Variants in SLC6A16 observed in about 807,000 individuals in gnomAD.
SLC6A16 encodes solute carrier family 6 member 16.
In SLC6A16, 54 loss-of-function variants were observed where a neutral mutation model predicts 65.4. That is an observed-to-expected ratio of 0.83 (90% CI 0.66 to 1.04). The LOEUF is 1.04. SLC6A16 is among the 50% of genes least tolerant of loss of function. The pLI is 0.00. For synonymous variants in SLC6A16, 330 were observed against 346.5 expected (o/e 0.95, Z 0.53); for missense variants, 816 against 914.0 (o/e 0.89, Z 1.38).
At chr19:49,336,728 C>T in the SLC6A16 span, 1 of 598,512 alleles carries the variant, frequency 1.7e-6, no homozygotes, top group South Asian at 2.1e-5. Flanking sequence ...GGACGGGAAA[C>T]AGGCCCAGAA....
At chr19:49,304,850 G>C (rs1334713371) in intron 7 of SLC6A16, among the ~76,000 whole-genome samples, 1 of 152,130 alleles carries the variant, frequency 6.6e-6, no homozygotes, top group African/African-American at 2.4e-5. Context: ...CACACATTTT[G>C]CTTTAAACTA....
At chr19:49,340,005 C>T in the SLC6A16 span, 1 of 1,457,746 alleles carries the variant, frequency 6.9e-7, no homozygotes, top group Non-Finnish European at 9.0e-7. Context: ...AAATAAAGGA[C>T]CCTGGGCTTG....
chr19:49,311,925 G>A (rs1970531073), intron 1 of SLC6A16, among the ~76,000 whole-genome samples: 1 of 150,538 alleles, frequency 6.6e-6, no homozygotes, highest in Non-Finnish European at 1.5e-5. Flanking sequence ...CAAGAGTCAG[G>A]AATCCCTGAA....
the SLC6A16 span, among the ~76,000 whole-genome samples, chr19:49,331,097 G>A: frequency 2.0e-5 from 3 of 152,134 alleles, no homozygotes; most frequent in Non-Finnish European, 4.4e-5. Context: ...CCAAAAGTCC[G>A]AAATTAAGGT....
chr19:49,308,424 G>A (rs1414420249), intron 7 of SLC6A16, among the ~76,000 whole-genome samples: 3 of 152,128 alleles, frequency 2.0e-5, no homozygotes, highest in Non-Finnish European at 4.4e-5. Flanking sequence ...CTGCACTCCA[G>A]CCTGGGTGAA....
At chr19:49,291,697 A>G (rs1970081807) in intron 10 of SLC6A16, among the ~76,000 whole-genome samples, 1 of 151,996 alleles carries the variant, frequency 6.6e-6, no homozygotes, top group African/African-American at 2.4e-5. Context: ...AAACTTATCT[A>G]GTTTATTTCA....
chr19:49,325,354 C>T (rs1051001772), upstream of SLC6A16: 87 of 564,936 alleles, frequency 1.5e-4, no homozygotes, highest in Middle Eastern at 8.6e-4. Flanking sequence ...ACTGCTCACG[C>T]GCCACTCCCT....
chr19:49,310,932 C>T lies in SLC6A16; in HGVS notation c.415+1G>A, dbSNP rs376812660. ...CCAGGTTTCCTGGTCCCCAGACTTA[C>T]AGCCTCCACTGTTAAGCCACAGGTA... On this transcript the variant is annotated splice_donor_variant, in intron 2 of 11. Coordinates refer to ENST00000335875, the MANE Select transcript of SLC6A16 (RefSeq NM_014037.3). LOFTEE classifies it high-confidence loss of function. 1 of 1,609,008 alleles carries T rather than the reference C, an allele frequency of 6.2e-7. No individual in the cohort carries two copies. The highest frequency in any genetic ancestry group is 8.5e-7 in the Non-Finnish European group (1 of 1,176,568).
At chr19:49,339,327 C>A in the SLC6A16 span, 1 of 1,613,704 alleles carries the variant, frequency 6.2e-7, no homozygotes, top group South Asian at 1.1e-5. The surrounding 1 kb of genome is among the most constrained non-coding windows in gnomAD (Gnocchi z 4.5). Context: ...CTACACCCCC[C>A]AGGGCTGCGC....
the SLC6A16 span, chr19:49,340,141 T>A: frequency 4.6e-5 from 70 of 1,507,458 alleles, no homozygotes; most frequent in East Asian, 1.2e-4. Flanking sequence ...CTCCAGCCCC[T>A]TCCCGCCCAA....
upstream of SLC6A16, among the ~76,000 whole-genome samples, chr19:49,327,522 C>T (rs1472130997): frequency 2.0e-5 from 3 of 152,148 alleles, no homozygotes; most frequent in Non-Finnish European, 4.4e-5. Context: ...TGAGGCAGGG[C>T]AAACTGTGTG....
chr19:49,316,337 C>T (rs1335388058), intron 1 of SLC6A16, among the ~76,000 whole-genome samples: 2 of 151,984 alleles, frequency 1.3e-5, no homozygotes, highest in East Asian at 3.9e-4. Context: ...AAGATAAACC[C>T]CAAAAGACAA....
intron 1 of SLC6A16, among the ~76,000 whole-genome samples, chr19:49,324,267 G>T (rs1290415111): frequency 3.3e-5 from 5 of 152,164 alleles, no homozygotes; most frequent in African/African-American, 7.2e-5. Context: ...GGAAGCAGAG[G>T]TTGCAGTGAG....
chr19:49,299,580 T>C (rs1412691562), intron 7 of SLC6A16, among the ~76,000 whole-genome samples: 16 of 124,342 alleles, frequency 1.3e-4, no homozygotes, highest in Non-Finnish European at 1.3e-4. Flanking sequence ...TGAAAGATAG[T>C]AGGCTATCTT....
the SLC6A16 span, among the ~76,000 whole-genome samples, chr19:49,339,174 G>T: frequency 6.6e-6 from 1 of 152,136 alleles, no homozygotes; most frequent in Non-Finnish European, 1.5e-5. The surrounding 1 kb of genome is among the most constrained non-coding windows in gnomAD (Gnocchi z 4.5). Flanking sequence ...TGGAAAAGGT[G>T]AAGCGAGGGT....
In SLC6A16 at chr19:49,320,408, A is replaced by AAAAC. The variant is rs1002827649; in HGVS notation, c.-65+4636_-65+4639dup. 4.0e-5 allele frequency among the ~76,000 whole-genome samples: 6 copies of AAAAC among 149,414 alleles called. 1 individual carries two copies. Among genetic ancestry groups the AAAAC allele is most frequent in the Admixed American group, 2.0e-4 (3 of 15,014 alleles). ...GGGCAACAGAGCAAGACTCCCTCTA[A>AAAAC]AAACAAACAAACAAACAAACAAAAA... On this transcript the variant is annotated intron_variant, in intron 1 of 11. Coordinates refer to ENST00000335875, the MANE Select transcript of SLC6A16 (RefSeq NM_014037.3).
chr19:49,340,313 C>T, the SLC6A16 span: 2 of 1,613,150 alleles, frequency 1.2e-6, no homozygotes, highest in Non-Finnish European at 1.7e-6. Context: ...ACAACCGGCT[C>T]GCTCGATACC....
At chr19:49,330,102 A>C (rs950391744), upstream of SLC6A16, among the ~76,000 whole-genome samples, 6 of 151,210 alleles carry the variant, frequency 4.0e-5, no homozygotes, top group African/African-American at 1.5e-4. Flanking sequence ...TGTGTGACAG[A>C]GCAAGACCTC....
chr19:49,308,740 G>T, intron 7 of SLC6A16, 136 bp downstream of exon 7: 1 of 935,062 alleles, frequency 1.1e-6, no homozygotes, highest in Non-Finnish European at 1.6e-6. Context: ...TTTAGCTATG[G>T]GGAAGGTAGA....
Sources: allele counts gnomAD v4.1 joint callset (sites outside exome capture counted in the v4.1 genomes callset), GRCh38; gene constraint gnomAD v4.1.1; non-coding constraint Gnocchi (gnomAD v3.1); transcripts MANE v1.5; gene names NCBI Gene and HGNC (gene_info 2026-07-23, HGNC 2026-07-21).